PCDHA6: variants seen among roughly 807,000 people sequenced by gnomAD.
PCDHA6 encodes protocadherin alpha 6, also known as protocadherin alpha-6.
A neutral mutation model predicts 60.3 loss-of-function variants in PCDHA6; 55 were observed. The ratio of observed to expected loss-of-function variants is 0.91; its 90% CI spans 0.73 to 1.14. PCDHA6 has a LOEUF of 1.14. Ranked by LOEUF, PCDHA6 falls within the 50% of genes most tolerant of loss-of-function variation. PCDHA6 has a pLI of 0.00. For missense variants in PCDHA6, 1,327 were observed against 1,256.5 expected (o/e 1.06, Z -0.85); for synonymous variants, 652 against 557.9 (o/e 1.17, Z -2.38).
rs1562311801 is a variant in PCDHA6 at position 140,829,830 on chromosome 5, T to G, written c.1739T>G (p.Leu580Arg). Residue 580 changes from leucine to arginine, a missense_variant, in exon 1 of 4, where the codon CTG (leucine) becomes CGG (arginine). Coordinates refer to ENST00000529310, the MANE Select transcript of PCDHA6 (RefSeq NM_018909.4). ...GGTACTGGTGGTGCAGTGAGCGAGC[T>G]GGTGCCGCGGTCACTGGGTGCAGGC... ...VGGTGGAVSE[L>R]VPRSLGAGQV... 1 of 1,613,772 alleles carries G rather than the reference T, an allele frequency of 6.2e-7. No individual in the cohort carries two copies. Among genetic ancestry groups the G allele is most frequent in the East Asian group, 2.2e-5 (1 of 44,880 alleles).
chr5:140,915,367 G>A lies in PCDHA6; in HGVS notation c.2395-63582G>A, dbSNP rs185020793. On this transcript the variant is annotated intron_variant, in intron 1 of 3. Coordinates refer to ENST00000529310, the MANE Select transcript of PCDHA6 (RefSeq NM_018909.4). Reference sequence around the variant, plus strand: ...TCTGTATGCCTATTCTTACCAGTAAGTGTCTCGGCATTGAAGAGCTAGGTA... The same window carrying A: ...TCTGTATGCCTATTCTTACCAGTAAATGTCTCGGCATTGAAGAGCTAGGTA... Among the ~76,000 whole-genome samples, 5 of 152,278 alleles carry A rather than the reference G, an allele frequency of 3.3e-5. No individual in the cohort carries two copies. In the East Asian group the frequency reaches 9.7e-4, roughly 29 times the overall value.
intron 1 of PCDHA6, chr5:140,869,094 T>C (rs2050847018): frequency 6.3e-7 from 1 of 1,592,284 alleles, no homozygotes; most frequent in Non-Finnish European, 8.6e-7. Context: ...GGAAGCCAAT[T>C]TCGTATGCGA....
intron 1 of PCDHA6, among the ~76,000 whole-genome samples, chr5:140,880,234 G>T (rs560785672): frequency 1.8e-4 from 28 of 152,250 alleles, no homozygotes; most frequent in Non-Finnish European, 2.8e-4. Context: ...TTAAATTAGT[G>T]TATGTGCGTG....
At chr5:140,992,954 C>T (rs1174073844) in intron 3 of PCDHA6, among the ~76,000 whole-genome samples, 4 of 152,190 alleles carry the variant, frequency 2.6e-5, no homozygotes, top group Non-Finnish European at 5.9e-5. Context: ...TTAAATCACC[C>T]CTTATACTGC....
intron 1 of PCDHA6, among the ~76,000 whole-genome samples, chr5:140,964,144 C>A (rs970079716): frequency 6.6e-6 from 1 of 152,138 alleles, no homozygotes; most frequent in African/African-American, 2.4e-5. Context: ...TTGGCAGGAG[C>A]CTCAGTATAA....
At chr5:140,877,258 G>A in intron 1 of PCDHA6, 1 of 1,613,780 alleles carries the variant, frequency 6.2e-7, no homozygotes, top group South Asian at 1.1e-5. Flanking sequence ...GAAAGTGCGC[G>A]CGGTGGACGC....
rs79233681 is a variant in PCDHA6 at position 140,965,822 on chromosome 5, A to T, written c.2395-13127A>T. Among the ~76,000 whole-genome samples the T allele has an allele frequency of 5.2e-3, 789 of 152,324 alleles. 9 individuals are homozygous for T. The highest frequency in any genetic ancestry group is 0.018 in the African/African-American group (747 of 41,576). On this transcript the variant is annotated intron_variant, in intron 1 of 3. Coordinates refer to ENST00000529310, the MANE Select transcript of PCDHA6 (RefSeq NM_018909.4). The stretch of plus-strand genomic sequence containing the variant: ...TTTTTTTAAACAGAGCATTTTAAAC[A>T]TTTAAATATTGGTTATTTGCCAAGG...
chr5:140,846,328 A>G (rs188043229), intron 1 of PCDHA6, among the ~76,000 whole-genome samples: 2 of 147,118 alleles, frequency 1.4e-5, no homozygotes, highest in East Asian at 3.9e-4. Flanking sequence ...TGTTGTAAAT[A>G]GCCTTTTAAA....
chr5:140,831,775 T>C (rs1771697165), intron 1 of PCDHA6, among the ~76,000 whole-genome samples: 1 of 152,168 alleles, frequency 6.6e-6, no homozygotes, highest in South Asian at 2.1e-4. Context: ...TGTGGATGGA[T>C]TGTTTCACCT....
intron 1 of PCDHA6, among the ~76,000 whole-genome samples, chr5:140,872,410 T>A (rs2053645814): frequency 6.6e-6 from 1 of 152,110 alleles, no homozygotes; most frequent in South Asian, 2.1e-4. Flanking sequence ...GAGAATTGCT[T>A]GAGCCCAAGA....
chr5:140,987,536 A>G (rs555442118), intron 3 of PCDHA6, among the ~76,000 whole-genome samples: 126 of 152,290 alleles, frequency 8.3e-4, no homozygotes, highest in Non-Finnish European at 1.6e-3. Context: ...TCCTGGGACC[A>G]TTACTTAACT....
In PCDHA6 at chr5:140,900,825, C is replaced by T. The variant is rs568337253; in HGVS notation, c.2394+70340C>T. On this transcript the variant is annotated intron_variant, in intron 1 of 3. Coordinates refer to ENST00000529310, the MANE Select transcript of PCDHA6 (RefSeq NM_018909.4). Reference sequence around the variant, plus strand: ...TGCTTGTACTAATTTACATTCCCACCAACAATGTACAAAGTTTCCCTTTTT... The same window carrying T: ...TGCTTGTACTAATTTACATTCCCACTAACAATGTACAAAGTTTCCCTTTTT... Among the ~76,000 whole-genome samples, 8 of 152,276 alleles carry T rather than the reference C, an allele frequency of 5.3e-5. No homozygotes were observed. The South Asian group carries it at 1.7e-3, about 32-fold the overall frequency.
chr5:140,965,690 T>G (rs1203632136), intron 1 of PCDHA6, among the ~76,000 whole-genome samples: 2 of 152,172 alleles, frequency 1.3e-5, no homozygotes, highest in Admixed American at 1.3e-4. Context: ...TGAAGCAAGA[T>G]TAGAAAAAGC....
chr5:140,893,568 C>T (rs1554185659), intron 1 of PCDHA6, among the ~76,000 whole-genome samples: 1 of 152,150 alleles, frequency 6.6e-6, no homozygotes, highest in Non-Finnish European at 1.5e-5. Flanking sequence ...TGTACTTCCT[C>T]AGTTTTTGCT....
chr5:140,883,530 A>G, intron 1 of PCDHA6: 1 of 1,614,156 alleles, frequency 6.2e-7, no homozygotes. Flanking sequence ...GTATCAGCCT[A>G]TGAACTGGTG....
At chr5:140,967,405 G>A in intron 1 of PCDHA6, 1 of 1,612,164 alleles carries the variant, frequency 6.2e-7, no homozygotes, top group Non-Finnish European at 8.5e-7. Context: ...TGCTGCGTAA[G>A]GGCCTAGACC....
Position 140,892,963 on chromosome 5 carries a change from A to C in PCDHA6, c.2394+62478A>C, listed in dbSNP as rs138089244. Among the ~76,000 whole-genome samples, 29 of 152,284 alleles carry C rather than the reference A, an allele frequency of 1.9e-4. No individual in the cohort carries two copies. In the East Asian group the frequency reaches 5.6e-3, roughly 29 times the overall value. ...ACAATACTACTTCCATGAGCTCAAT[A>C]AAATTTTGTAGCTGCCGTATAAGTG... On this transcript the variant is annotated intron_variant, in intron 1 of 3. Transcript: ENST00000529310.
intron 1 of PCDHA6, among the ~76,000 whole-genome samples, chr5:140,974,870 A>G (rs781837180): frequency 9.9e-5 from 15 of 152,182 alleles, no homozygotes; most frequent in African/African-American, 1.4e-4. Context: ...AATGCGGAAC[A>G]GTCTATGTAT....
intron 3 of PCDHA6, among the ~76,000 whole-genome samples, chr5:140,989,538 T>TAAA (rs2097347158): frequency 6.6e-6 from 1 of 152,180 alleles, no homozygotes; most frequent in Non-Finnish European, 1.5e-5. Flanking sequence ...GAAGATAGTT[T>TAAA]GTAATTCCTT....
Sources: gnomAD v4.1 joint callset for allele counts (sites outside exome capture counted in the v4.1 genomes callset) on GRCh38, gnomAD v4.1.1 for gene constraint, MANE v1.5 for transcripts, NCBI Gene and HGNC (gene_info 2026-07-23, HGNC 2026-07-21) for gene names.